The following DENND3 variants were observed in gnomAD, a reference collection of about 807,000 sequenced individuals.
The protein encoded by DENND3 is DENN domain containing 3, also known as DENN domain-containing protein 3.
DENND3 carries 88 observed loss-of-function variants against 135.1 expected under a neutral mutation model. That is an observed-to-expected ratio of 0.65 (90% CI 0.55 to 0.78). The LOEUF (loss-of-function observed/expected upper bound fraction) is 0.78. DENND3 is among the 30% of genes least tolerant of loss of function. DENND3 has a pLI of 0.00. For missense variants in DENND3, 1,392 were observed against 1,688.4 expected, an observed-to-expected ratio of 0.82 and a Z score of 3.08; for synonymous variants, 693 against 712.3, an observed-to-expected ratio of 0.97 and a Z score of 0.43.
In DENND3 at chr8:141,166,523, T is replaced by A; in HGVS notation, c.1753+134T>A. The A allele has an allele frequency of 1.0e-6, 1 of 988,022 alleles. No individual in the cohort carries two copies. Among genetic ancestry groups the A allele is most frequent in the Non-Finnish European group, 1.5e-6 (1 of 688,900 alleles). 61.2% of individuals were successfully genotyped at this position (988,022 alleles called of 1,614,324 possible). ...TTTAGCAGCTGAGTTATTTGAAATG[T>A]TTAGAATATTCATTTTGCCAAGGTA... On this transcript the variant is annotated intron_variant, in intron 12 of 22. Transcript: ENST00000519811. This position sits in a 1 kb window ranked among gnomAD's most constrained non-coding sequence, Gnocchi z 4.3.
In DENND3 at chr8:141,133,099, C is replaced by T. The variant is rs186871219; in HGVS notation, c.103-3410C>T. Among the ~76,000 whole-genome samples the T allele has an allele frequency of 2.4e-4, 36 of 152,208 alleles. 1 individual carries two copies. The East Asian group carries it at 6.2e-3, about 26-fold the overall frequency. On this transcript the variant is annotated intron_variant, in intron 1 of 22. Transcript: ENST00000519811. ...CTGGAGGAGCCTGTGGTCCTGGCTG[C>T]GGGGTGGCAGAGACCTTCTGCAGTG...
intron 8 of DENND3, among the ~76,000 whole-genome samples, chr8:141,158,815 C>T (rs372505823): frequency 3.9e-5 from 6 of 152,166 alleles, no homozygotes; most frequent in East Asian, 1.9e-4. Context: ...GGGGTAGGGT[C>T]GCCAGCTCAG....
chr8:141,172,141 A>C (rs922523840), intron 13 of DENND3, among the ~76,000 whole-genome samples: 9 of 142,106 alleles, frequency 6.3e-5, no homozygotes, highest in Admixed American at 5.6e-4. Flanking sequence ...GGGCATGCAC[A>C]GTGGGTGTGC....
chr8:141,176,344 G>T, intron 14 of DENND3: 1 of 471,340 alleles, frequency 2.1e-6, no homozygotes, highest in Non-Finnish European at 3.8e-6. Flanking sequence ...GAAAGAATGC[G>T]CTGCCTTCGG....
intron 13 of DENND3, among the ~76,000 whole-genome samples, chr8:141,171,783 T>A (rs1406189615): frequency 6.6e-6 from 1 of 150,510 alleles, no homozygotes; most frequent in Non-Finnish European, 1.5e-5. Flanking sequence ...GTGTGCAAAG[T>A]AGTGGGTGTG....
chr8:141,180,064 G>A (rs573617992), intron 16 of DENND3, among the ~76,000 whole-genome samples: 2 of 152,322 alleles, frequency 1.3e-5, no homozygotes, highest in East Asian at 3.9e-4. Flanking sequence ...CTGGAAACAT[G>A]GGTTGGATTG....
intron 16 of DENND3, among the ~76,000 whole-genome samples, chr8:141,180,328 T>G (rs1382212809): frequency 6.6e-6 from 1 of 152,114 alleles, no homozygotes; most frequent in Admixed American, 6.5e-5. Context: ...ATGGGTTAGG[T>G]CTCTGGGTTT....
chr8:141,177,559 C>T (rs1238244318), intron 15 of DENND3: 1 of 152,780 alleles, frequency 6.5e-6, no homozygotes, highest in African/African-American at 2.4e-5. Flanking sequence ...AGTTCCCGGT[C>T]ACAGGGCAGA....
Position 141,144,089 on chromosome 8 carries a change from G to A in DENND3, c.624-59G>A, listed in dbSNP as rs1160885705. The A allele has an allele frequency of 3.5e-6, 5 of 1,438,208 alleles. No homozygotes were observed. In the East Asian group the frequency reaches 7.1e-5, roughly 20 times the overall value. 89.1% of individuals were successfully genotyped at this position (1,438,208 alleles called of 1,614,324 possible). On this transcript the variant is annotated intron_variant, in intron 4 of 22. Transcript: ENST00000519811. This position sits in a 1 kb window ranked among gnomAD's most constrained non-coding sequence, Gnocchi z 4.4. ...TTCCAGTGTGATTAGAAACGCTAAC[G>A]ATGACAACTGCGTTCTCATCTTTAT...
At chr8:141,150,292 C>T in intron 5 of DENND3, 5 of 1,280,614 alleles carry the variant, frequency 3.9e-6, no homozygotes, top group Non-Finnish European at 5.1e-6. Context: ...CCAGGTCCAG[C>T]CGTGTCTCAG....
At position 141,160,759 on chromosome 8, in the gene DENND3, A is replaced by C. The variant is rs770348664; in HGVS notation, c.1324A>C (p.Thr442Pro). ...QKLNCQIQQT[T>P]LQLLVSIFRD... ...ACTCAACTGCCAGATACAGCAGACC[A>C]CCCTGCAGCTGCTCGTGAGCATCTT... is the stretch of plus-strand genomic sequence containing the variant. Residue 442 changes from threonine (T) to proline (P), a missense_variant, in exon 9 of 23, where the codon ACC becomes CCC. Physicochemically the swap from Thr to Pro is conservative, Grantham distance 38 (BLOSUM62 -1). Coordinates refer to ENST00000519811, the MANE Select transcript of DENND3 (RefSeq NM_001352890.3). 3 of 1,612,132 alleles carry C rather than the reference A, an allele frequency of 1.9e-6. No homozygotes were observed. Among genetic ancestry groups the C allele is most frequent in the Non-Finnish European group, 1.7e-6 (2 of 1,179,218 alleles).
chr8:141,157,133 TG>T (rs1819540247), intron 8 of DENND3, among the ~76,000 whole-genome samples: 1 of 152,222 alleles, frequency 6.6e-6, no homozygotes, highest in Admixed American at 6.5e-5. Flanking sequence ...CTTTCATCTC[TG>T]TTACTCAACC....
intron 5 of DENND3, among the ~76,000 whole-genome samples, chr8:141,145,909 C>T (rs1489943119): frequency 7.1e-6 from 1 of 141,404 alleles, no homozygotes; most frequent in Non-Finnish European, 1.5e-5. Context: ...AGCACAGTGG[C>T]GTGATCTTGG....
chr8:141,155,618 G>T lies in DENND3; in HGVS notation c.1075-231G>T, dbSNP rs191455826. Among the ~76,000 whole-genome samples the T allele has an allele frequency of 6.2e-3, 946 of 152,072 alleles. 8 individuals are homozygous for T. The highest frequency in any genetic ancestry group is 9.7e-3 in the Non-Finnish European group (661 of 67,992). On this transcript the variant is annotated intron_variant, in intron 7 of 22. Transcript: ENST00000519811. ...GACAGGGTCTCACTGTGTTGTTCAG[G>T]CTGGTCTCAAACTCCTGGGCTCAAG...
At position 141,177,025 on chromosome 8, in the gene DENND3, G is replaced by A. The variant is rs568510855; in HGVS notation, c.2706+264G>A. On this transcript the variant is annotated intron_variant, in intron 15 of 22. Coordinates refer to ENST00000519811, the MANE Select transcript of DENND3 (RefSeq NM_001352890.3). ...GGCAGGTGTGGGTGCCCCACTGCCC[G>A]CTCCAGACTGGCGACATCCCAGAGA... 129 of 436,192 alleles carry A rather than the reference G, an allele frequency of 3.0e-4. No homozygotes were observed. In the Middle Eastern group the frequency reaches 3.8e-3, roughly 13 times the overall value. 27.0% of individuals were successfully genotyped at this position (436,192 alleles called of 1,614,324 possible).
intron 18 of DENND3, among the ~76,000 whole-genome samples, chr8:141,188,068 G>A (rs1325450224): frequency 2.6e-5 from 4 of 151,622 alleles, no homozygotes; most frequent in African/African-American, 7.3e-5. Context: ...TCAGCCAGGC[G>A]TGGTGGCATC....
chr8:141,144,461 G>A lies in DENND3; in HGVS notation c.735+202G>A, dbSNP rs193097558. 4.0e-4 allele frequency among the ~76,000 whole-genome samples: 61 copies of A among 151,416 alleles called. No homozygotes were observed. The highest frequency in any genetic ancestry group is 1.2e-3 in the Admixed American group (19 of 15,244). On this transcript the variant is annotated intron_variant, in intron 5 of 22. Transcript: ENST00000519811. This position sits in a 1 kb window ranked among gnomAD's most constrained non-coding sequence, Gnocchi z 4.4. ...GGACCCCAGAGAAACCCAAAAAACA[G>A]AATGACTGGCCAGAATGGAAGGGAG...
At chr8:141,158,180 C>T (rs536320737) in intron 8 of DENND3, 1 of 1,289,510 alleles carries the variant, frequency 7.8e-7, no homozygotes, top group African/African-American at 1.5e-5. Context: ...AATCGCTGGG[C>T]TCTCCTCCCC....
chr8:141,156,107 T>G, intron 8 of DENND3, 137 bp downstream of exon 8: 1 of 1,256,912 alleles, frequency 8.0e-7, no homozygotes, highest in South Asian at 1.9e-5. Context: ...ATTTGTGAAT[T>G]TTGTTTTCTG....
Sources: gnomAD v4.1 joint callset for allele counts (sites outside exome capture counted in the v4.1 genomes callset) on GRCh38, gnomAD v4.1.1 for gene constraint, Gnocchi (gnomAD v3.1) non-coding constraint, MANE v1.5 for transcripts, NCBI Gene and HGNC (gene_info 2026-07-23, HGNC 2026-07-21) for gene names.